Variants in GNB1 observed in about 807,000 individuals in gnomAD.
GNB1 encodes the protein guanine nucleotide-binding protein G(I)/G(S)/G(T) subunit beta-1.
In GNB1, 2 loss-of-function variants were observed where a neutral mutation model predicts 42.9. That is an observed-to-expected ratio of 0.05 (90% CI 0.02 to 0.15). The LOEUF (loss-of-function observed/expected upper bound fraction) is 0.15, where lower values mean the gene tolerates loss of function less well. Among genes scored for constraint, GNB1 ranks in the 10% least tolerant of loss-of-function variants. The pLI is 1.00. For missense variants in GNB1, 193 were observed against 462.2 expected (o/e 0.42, Z 5.34); for synonymous variants, 183 against 174.7 (o/e 1.05, Z -0.38).
At chr1:1,823,849 T>C (rs1487462805) in intron 3 of GNB1, among the ~76,000 whole-genome samples, 2 of 152,112 alleles carry the variant, frequency 1.3e-5, no homozygotes, top group Non-Finnish European at 2.9e-5. Flanking sequence ...GTCAGAAAAA[T>C]AAACTGTTGT....
intron 8 of GNB1, among the ~76,000 whole-genome samples, chr1:1,792,871 G>T (rs1222157234): frequency 6.6e-6 from 1 of 151,980 alleles, no homozygotes; most frequent in Non-Finnish European, 1.5e-5. Context: ...TTCAGGACCA[G>T]CCTGGCCAAT....
At chr1:1,859,213 G>T (rs61774998) in intron 1 of GNB1, among the ~76,000 whole-genome samples, 1 of 151,916 alleles carries the variant, frequency 6.6e-6, no homozygotes, top group South Asian at 2.1e-4. Flanking sequence ...GTAGAGACAG[G>T]GTTTCACAAT....
intron 2 of GNB1, chr1:1,832,400 G>A (rs1395742752): frequency 6.6e-6 from 1 of 152,150 alleles, no homozygotes; most frequent in African/African-American, 2.4e-5. Context: ...ACTAAGACAG[G>A]CTCTGCTAAG....
intron 5 of GNB1, among the ~76,000 whole-genome samples, chr1:1,811,413 G>A (rs1048597551): frequency 6.6e-6 from 1 of 151,992 alleles, no homozygotes; most frequent in Non-Finnish European, 1.5e-5. Context: ...AGACAAACTA[G>A]GCCGGGCACA....
At chr1:1,878,636 T>C (rs1044405089) in intron 1 of GNB1, among the ~76,000 whole-genome samples, 1 of 151,978 alleles carries the variant, frequency 6.6e-6, no homozygotes, top group Non-Finnish European at 1.5e-5. Context: ...ATAGGTAACA[T>C]TCCTCTCACC....
intron 1 of GNB1, among the ~76,000 whole-genome samples, chr1:1,873,358 G>C (rs1423281462): frequency 6.6e-6 from 1 of 152,248 alleles, no homozygotes; most frequent in Non-Finnish European, 1.5e-5. Context: ...TGGAGAGGCA[G>C]GCTGAGGAGA....
chr1:1,884,750 T>G (rs1427577095), intron 1 of GNB1, among the ~76,000 whole-genome samples: 1 of 151,708 alleles, frequency 6.6e-6, no homozygotes, highest in East Asian at 2.0e-4. Context: ...TGGCGCGATC[T>G]CCACTCACTG....
chr1:1,856,025 C>T (rs757089670), intron 1 of GNB1, among the ~76,000 whole-genome samples: 11 of 152,166 alleles, frequency 7.2e-5, no homozygotes, highest in Non-Finnish European at 1.3e-4. Context: ...AATGGACTTT[C>T]TTCTTCTTCT....
chr1:1,877,313 A>AT lies in GNB1; in HGVS notation c.-96+13506_-96+13507insA, dbSNP rs1463262262. Among the ~76,000 whole-genome samples the AT allele has an allele frequency of 8.9e-3, 1,254 of 141,144 alleles. 6 individuals are homozygous for AT. Among genetic ancestry groups the AT allele is most frequent in the African/African-American group, 0.011 (413 of 38,268 alleles). The allele number at this position is 141,144 out of a possible 152,430, so 92.6% of individuals were successfully genotyped here. On this transcript the variant is annotated intron_variant, in intron 1 of 11. Coordinates refer to ENST00000378609, the MANE Select transcript of GNB1 (RefSeq NM_002074.5). ...GACTCTGTCTCAAAAAAAAAAAAAA[A>AT]AAAATATATATATATATACACACAC...
chr1:1,799,012 C>CG (rs1241513858), intron 7 of GNB1, among the ~76,000 whole-genome samples: 1 of 152,104 alleles, frequency 6.6e-6, no homozygotes, highest in Non-Finnish European at 1.5e-5. Context: ...CTCCGCCCCC[C>CG]GGGGTTCACG....
At chr1:1,811,890 CCT>C (rs1216972318) in intron 5 of GNB1, among the ~76,000 whole-genome samples, 12 of 151,118 alleles carry the variant, frequency 7.9e-5, no homozygotes, top group Non-Finnish European at 1.5e-4. Flanking sequence ...ATGGTGAAAC[CCT>C]GTCTCTACTA....
chr1:1,884,557 A>G (rs1650039776), intron 1 of GNB1, among the ~76,000 whole-genome samples: 1 of 152,054 alleles, frequency 6.6e-6, no homozygotes, highest in Non-Finnish European at 1.5e-5. Context: ...GCAGAAGTTG[A>G]GTGTCTGTAA....
intron 9 of GNB1, 109 bp from the exon 10 acceptor site, chr1:1,789,378 G>C (rs1162200554): frequency 2.9e-6 from 2 of 680,142 alleles, no homozygotes; most frequent in African/African-American, 1.8e-5. Context: ...GCAAAGACCA[G>C]CAAGACTGTG....
chr1:1,825,068 G>A, intron 3 of GNB1: 1 of 221,246 alleles, frequency 4.5e-6, no homozygotes, highest in East Asian at 1.0e-4. Flanking sequence ...CAATATTCAG[G>A]GGAGGGAGGT....
At chr1:1,866,112 C>CTAT (rs1465131896) in intron 1 of GNB1, among the ~76,000 whole-genome samples, 8 of 152,080 alleles carry the variant, frequency 5.3e-5, no homozygotes, top group Non-Finnish European at 5.9e-5. Flanking sequence ...CTAATTTTTT[C>CTAT]TATTTAGTAG....
chr1:1,803,335 C>A (rs531494467), intron 7 of GNB1, among the ~76,000 whole-genome samples: 2 of 152,218 alleles, frequency 1.3e-5, no homozygotes, highest in African/African-American at 2.4e-5. Flanking sequence ...GTCTCGCTTT[C>A]GCCCAGCCTG....
intron 7 of GNB1, among the ~76,000 whole-genome samples, chr1:1,800,550 G>C (rs1646610218): frequency 6.6e-6 from 1 of 152,080 alleles, no homozygotes; most frequent in Non-Finnish European, 1.5e-5. Flanking sequence ...CTGAGCCTCG[G>C]GGACAGCACA....
In GNB1 at chr1:1,868,729, G is replaced by A. The variant is rs192606742; in HGVS notation, c.-96+22091C>T. On this transcript the variant is annotated intron_variant, in intron 1 of 11. Coordinates refer to ENST00000378609, the MANE Select transcript of GNB1 (RefSeq NM_002074.5). ...CAGGAGGCGGAGGTTGCAGTGAGCCGAGATTGTGCAACTGCACTCCAGCCT... is the reference window on the plus strand; with the variant it reads ...CAGGAGGCGGAGGTTGCAGTGAGCCAAGATTGTGCAACTGCACTCCAGCCT... Among the ~76,000 whole-genome samples the A allele has an allele frequency of 9.3e-3, 1,408 of 151,946 alleles. 20 individuals carry two copies. Among genetic ancestry groups the A allele is most frequent in the African/African-American group, 0.03 (1,238 of 41,476 alleles).
intron 1 of GNB1, among the ~76,000 whole-genome samples, chr1:1,863,721 T>C (rs1648758962): frequency 6.6e-6 from 1 of 152,240 alleles, no homozygotes; most frequent in South Asian, 2.1e-4. Flanking sequence ...AAATTTCAGA[T>C]ATCACACACA....
Sources: allele counts gnomAD v4.1 joint callset (sites outside exome capture counted in the v4.1 genomes callset), GRCh38; gene constraint gnomAD v4.1.1; transcripts MANE v1.5; gene names NCBI Gene and HGNC (gene_info 2026-07-23, HGNC 2026-07-21).